ASMT: variants seen among roughly 807,000 people sequenced by gnomAD.
The protein encoded by ASMT is acetylserotonin O-methyltransferase, also known as acetylserotonin N-methyltransferase.
Under a neutral mutation model 41.3 loss-of-function variants are expected in ASMT, and 53 were observed. The observed-to-expected ratio is 1.28, with a 90% CI of 1.03 to 1.61. ASMT has a LOEUF of 1.61. Among genes scored for constraint, ASMT ranks in the 40% most tolerant of loss-of-function variants. ASMT has a pLI of 0.00. For missense variants in ASMT, 531 were observed against 441.3 expected (o/e 1.20, Z -1.82); for synonymous variants, 231 against 184.8 (o/e 1.25, Z -2.03).
At chrX:1,630,048 G>T in intron 5 of ASMT, 109 bp downstream of exon 5, 1 of 1,019,092 alleles carries the variant, frequency 9.8e-7, no homozygotes, top group African/African-American at 1.6e-5. Flanking sequence ...GACATGTGCG[G>T]CCTTACTGGT....
intron 1 of ASMT, among the ~76,000 whole-genome samples, chrX:1,618,830 G>T (rs1325771175): frequency 6.6e-6 from 1 of 152,216 alleles, no homozygotes; most frequent in Non-Finnish European, 1.5e-5. Context: ...CAGGCCTCCT[G>T]CTGGGGCTAT....
At position 1,643,072 on chromosome X, in the gene ASMT, T is replaced by C. The variant is rs1397906770; in HGVS notation, c.*58T>C. 5 of 1,565,868 alleles carry C rather than the reference T, an allele frequency of 3.2e-6. No homozygotes were observed. The highest frequency in any genetic ancestry group is 2.2e-5 in the East Asian group (1 of 44,664). On this transcript the variant is annotated 3_prime_UTR_variant, in exon 9 of 9. Transcript: ENST00000381241. ...CACACAAGACATAATAATAAAGACA[T>C]GTACCTCCAGTGGCTTCTTGTTCTT...
chrX:1,630,763 G>A (rs1260004888), intron 5 of ASMT, among the ~76,000 whole-genome samples: 1 of 151,956 alleles, frequency 6.6e-6, no homozygotes, highest in Non-Finnish European at 1.5e-5. Flanking sequence ...TCTCTACGTT[G>A]CCCTGGCTGG....
At chrX:1,633,857 C>A (rs1454676447) in intron 7 of ASMT, among the ~76,000 whole-genome samples, 1 of 152,148 alleles carries the variant, frequency 6.6e-6, no homozygotes, top group African/African-American at 2.4e-5. Context: ...CCAGGATGGT[C>A]TCGATCTCCT....
chrX:1,640,659 A>C (rs1332460101), intron 8 of ASMT, among the ~76,000 whole-genome samples: 13 of 480 alleles, frequency 0.027, 1 homozygote, highest in Non-Finnish European at 0.035. Context: ...AGGTCCATCC[A>C]TCCTGATGAT....
chrX:1,615,438 G>C (rs1160674295), intron 1 of ASMT, 170 bp downstream of exon 1: 1 of 208,984 alleles, frequency 4.8e-6, no homozygotes, highest in African/African-American at 2.3e-5. Flanking sequence ...CTGAGGACAT[G>C]TGCCCAGGGT....
Position 1,623,191 on chromosome X carries a change from C to A in ASMT, c.122C>A (p.Pro41Gln). 6.2e-7 allele frequency: 1 copy of A among 1,613,354 alleles called. No individual in the cohort carries two copies. Among genetic ancestry groups the A allele is most frequent in the South Asian group, 1.1e-5 (1 of 91,052 alleles). Reference protein sequence around the residue: ...LGVFDLLAEAPGPLDVAAVAA... With the variant: ...LGVFDLLAEAQGPLDVAAVAA... ...GTGTTTGACCTTCTCGCCGAGGCCC[C>A]AGGGCCCCTGGACGTGGCGGCAGTG... Residue 41 changes from proline (P) to glutamine (Q), a missense_variant, in exon 2 of 9, where the codon CCA (proline) becomes CAA (glutamine). Coordinates refer to ENST00000381241, the MANE Select transcript of ASMT (RefSeq NM_001171038.2).
intron 3 of ASMT, among the ~76,000 whole-genome samples, chrX:1,626,825 C>T (rs61152553): frequency 0.69 from 101,441 of 147,492 alleles, 33,794 homozygotes; most frequent in East Asian, 0.8. Context: ...GTCACGAGTT[C>T]GAGACCAGCC....
intron 1 of ASMT, among the ~76,000 whole-genome samples, chrX:1,622,576 C>T (rs1271570503): frequency 6.6e-6 from 1 of 151,802 alleles, no homozygotes; most frequent in East Asian, 1.9e-4. Flanking sequence ...TGAGTTAAAG[C>T]ACCCAGCCAG....
chrX:1,615,729 G>A (rs1485061394), intron 1 of ASMT, among the ~76,000 whole-genome samples: 2 of 151,844 alleles, frequency 1.3e-5, no homozygotes, highest in South Asian at 2.1e-4. Flanking sequence ...TTGAACCTGG[G>A]AGGCGGAGGT....
rs1934441205 is a variant in ASMT, at chrX:1,624,251, T to G, written c.245-18T>G. ...GGAATCTCACTGCTTTTTCCCTGTTTTTTTGTGTGTGTTTCAGCTTTCTAT... is the reference window on the plus strand; with the variant it reads ...GGAATCTCACTGCTTTTTCCCTGTTGTTTTGTGTGTGTTTCAGCTTTCTAT... On this transcript the variant is annotated intron_variant, in intron 2 of 8. Coordinates refer to ENST00000381241, the MANE Select transcript of ASMT (RefSeq NM_001171038.2). 2 of 1,613,738 alleles carry G rather than the reference T, an allele frequency of 1.2e-6. No individual in the cohort carries two copies. Among genetic ancestry groups the G allele is most frequent in the Admixed American group, 3.3e-5 (2 of 59,984 alleles).
In ASMT at chrX:1,627,735, G is replaced by C. The variant is rs763458453; in HGVS notation, c.407G>C (p.Gly136Ala). ...EGRNQYLETF[G>A]VPAEELFTAI... ...AGGAACCAGTACCTGGAGACGTTTG[G>C]CGTTCCCGCTGAAGAGCTTTTTACG... Residue 136 changes from glycine (G) to alanine (A), a missense_variant, in exon 4 of 9, where the codon GGC becomes GCC. By Grantham distance (60) the Gly-to-Ala change is moderately conservative (BLOSUM62 0). Coordinates refer to ENST00000381241, the MANE Select transcript of ASMT (RefSeq NM_001171038.2). 1.9e-6 allele frequency: 3 copies of C among 1,613,830 alleles called. No homozygotes were observed. The highest frequency in any genetic ancestry group is 2.7e-5 in the African/African-American group (2 of 74,918).
intron 3 of ASMT, 146 bp from the exon 4 acceptor site, chrX:1,627,557 G>C: frequency 1.2e-6 from 1 of 825,914 alleles, no homozygotes; most frequent in Non-Finnish European, 2.1e-6. Flanking sequence ...GAAGGCAGAG[G>C]TTGCAGTGAG....
In ASMT at chrX:1,623,129, C is replaced by T. The variant is rs753936813; in HGVS notation, c.70-10C>T. The T allele has an allele frequency of 6.2e-7, 1 of 1,612,262 alleles. No individual in the cohort carries two copies. Among genetic ancestry groups the T allele is most frequent in the African/African-American group, 1.3e-5 (1 of 74,996 alleles). On this transcript the variant is annotated splice_polypyrimidine_tract_variant and intron_variant, in intron 1 of 8. Coordinates refer to ENST00000381241, the MANE Select transcript of ASMT (RefSeq NM_001171038.2). Reference sequence around the variant, plus strand: ...GAGCCCTGACCTTTTATTTCCGCTCCTGCTCCAAGGTTCTCTTCGCCGCCT... The same window carrying T: ...GAGCCCTGACCTTTTATTTCCGCTCTTGCTCCAAGGTTCTCTTCGCCGCCT...
intron 1 of ASMT, among the ~76,000 whole-genome samples, chrX:1,618,587 A>G (rs1460698943): frequency 6.8e-6 from 1 of 147,516 alleles, no homozygotes; most frequent in Non-Finnish European, 1.5e-5. Flanking sequence ...GGCGTGAGCC[A>G]CTGACATCCA....
At chrX:1,621,233 G>C (rs1934327838) in intron 1 of ASMT, among the ~76,000 whole-genome samples, 1 of 152,196 alleles carries the variant, frequency 6.6e-6, no homozygotes, top group South Asian at 2.1e-4. Context: ...GTTTGTTTAT[G>C]ACTTCCTGTC....
At chrX:1,632,512 G>A (rs1365002759) in intron 5 of ASMT, among the ~76,000 whole-genome samples, 192 bp from the exon 6 acceptor site, 2 of 152,024 alleles carry the variant, frequency 1.3e-5, no homozygotes, top group East Asian at 1.9e-4. Context: ...AAAATTAGCT[G>A]GGCGTGGTGG....
chrX:1,632,045 C>T (rs2149469338), intron 5 of ASMT, among the ~76,000 whole-genome samples: 1 of 152,078 alleles, frequency 6.6e-6, no homozygotes, highest in African/African-American at 2.4e-5. Context: ...GAGACTCCAT[C>T]TCAAAATAAA....
intron 3 of ASMT, among the ~76,000 whole-genome samples, chrX:1,625,473 A>C (rs1257728437): frequency 6.9e-6 from 1 of 144,992 alleles, no homozygotes; most frequent in African/African-American, 2.5e-5. Flanking sequence ...CAGCCTGGGC[A>C]ACAGAGCAAA....
Sources: allele counts gnomAD v4.1 joint callset (sites outside exome capture counted in the v4.1 genomes callset), GRCh38; gene constraint gnomAD v4.1.1; transcripts MANE v1.5; gene names NCBI Gene and HGNC (gene_info 2026-07-23, HGNC 2026-07-21).